The following ATPAF2 variants were observed in gnomAD, a reference collection of about 807,000 sequenced individuals.
The protein encoded by ATPAF2 is ATP12 homolog.
Under a neutral mutation model 36.6 loss-of-function variants are expected in ATPAF2, and 30 were observed. The observed-to-expected ratio is 0.82, with a 90% CI of 0.61 to 1.11. The LOEUF is 1.11. ATPAF2 is among the 50% of genes most tolerant of loss of function. The pLI is 0.00. For synonymous variants in ATPAF2, 140 were observed against 152.6 expected, an observed-to-expected ratio of 0.92 and a Z score of 0.61; for missense variants, 321 against 372.3, an observed-to-expected ratio of 0.86 and a Z score of 1.13.
intron 1 of ATPAF2, among the ~76,000 whole-genome samples, chr17:18,033,483 G>A (rs916188672): frequency 3.3e-5 from 5 of 151,552 alleles, no homozygotes; most frequent in Admixed American, 6.6e-5. Flanking sequence ...CCATGTTCTC[G>A]GTGAATACAT....
chr17:18,019,342 T>C (rs1223166646), intron 7 of ATPAF2, among the ~76,000 whole-genome samples: 1 of 152,208 alleles, frequency 6.6e-6, no homozygotes, highest in African/African-American at 2.4e-5. Context: ...TGTGACTTCT[T>C]TGAGGAGGCC....
In ATPAF2 at chr17:18,018,571, T is replaced by C. The variant is rs1257660598; in HGVS notation, c.848A>G (p.Lys283Arg). 1.2e-6 allele frequency: 2 copies of C among 1,613,756 alleles called. No homozygotes were observed. The highest frequency in any genetic ancestry group is 8.5e-7 in the Non-Finnish European group (1 of 1,180,046). ...IHLCSESTTV[K>R]HKLLKE The stretch of plus-strand genomic sequence containing the variant: ...GCCTCACTCCTTCAGGAGCTTGTGC[T>C]TGACTGTGGTGCTCTCGGAGCAGAG... Residue 283 changes from lysine (K) to arginine (R), a missense_variant, in exon 8 of 8, where the codon AAG becomes AGG. By Grantham distance (26) the Lys-to-Arg change is conservative. Transcript: ENST00000474627.
intron 1 of ATPAF2, among the ~76,000 whole-genome samples, chr17:18,033,319 G>A (rs548981153): frequency 2.7e-5 from 4 of 146,566 alleles, no homozygotes; most frequent in Non-Finnish European, 3.0e-5. Context: ...CCAAGATTGC[G>A]CCACTGCACC....
At chr17:18,031,345 TACAG>T (rs1253356636) in intron 1 of ATPAF2, among the ~76,000 whole-genome samples, 4 of 152,104 alleles carry the variant, frequency 2.6e-5, no homozygotes, top group Admixed American at 2.0e-4. Flanking sequence ...CACTAATACT[TACAG>T]ACAGAGGGCC....
At position 18,024,502 on chromosome 17, in the gene ATPAF2, T is replaced by G. The variant is rs2044515771; in HGVS notation, c.503+122A>C. Reference sequence around the variant, plus strand: ...TATGAGGGGAGCCAAATCCCACGAGTGCTCTGAAATCAGAAAGCTGACTAG... The same window carrying G: ...TATGAGGGGAGCCAAATCCCACGAGGGCTCTGAAATCAGAAAGCTGACTAG... On this transcript the variant is annotated intron_variant, in intron 5 of 7. Transcript: ENST00000474627. 6 of 818,260 alleles carry G rather than the reference T, an allele frequency of 7.3e-6. No homozygotes were observed. The South Asian group carries it at 8.4e-5, about 11-fold the overall frequency. The allele number at this position is 818,260 out of a possible 1,614,324, so 50.7% of individuals were successfully genotyped here. A position where few individuals can be genotyped will look rare whatever the true frequency, so the allele number is the denominator to read the frequency against.
intron 7 of ATPAF2, 176 bp downstream of exon 7, chr17:18,020,947 C>A: frequency 1.1e-5 from 15 of 1,415,514 alleles, no homozygotes; most frequent in Non-Finnish European, 1.4e-5. Context: ...AGGTGTGAAC[C>A]ACCATGCCAG....
rs78157843 is a variant in ATPAF2 at position 18,022,122 on chromosome 17, G to A, written c.504-265C>T. ...CATGTGAGCTAGGGCTCGGTTATAC[G>A]CAGCTGCCTGAAATGCTCATTCATT... On this transcript the variant is annotated intron_variant, in intron 5 of 7. Coordinates refer to ENST00000474627, the MANE Select transcript of ATPAF2 (RefSeq NM_145691.4). Among the ~76,000 whole-genome samples, 950 of 152,298 alleles carry A rather than the reference G, an allele frequency of 6.2e-3. 4 individuals carry two copies. Among genetic ancestry groups the A allele is most frequent in the Non-Finnish European group, 9.0e-3 (610 of 68,024 alleles).
chr17:18,021,961 A>G lies in ATPAF2; in HGVS notation c.504-104T>C, dbSNP rs1426476199. 3.0e-6 allele frequency: 3 copies of G among 1,001,512 alleles called. No individual in the cohort carries two copies. The Admixed American group carries it at 5.4e-5, about 18-fold the overall frequency. 62.0% of individuals were successfully genotyped at this position (1,001,512 alleles called of 1,614,324 possible). On this transcript the variant is annotated intron_variant, in intron 5 of 7. Transcript: ENST00000474627. ...CCTAAGCTTCAGAGCATGTGTGTGC[A>G]TTGGCCAAGGAGCTAGTCTTGACTA... is the stretch of plus-strand genomic sequence containing the variant.
downstream of ATPAF2, among the ~76,000 whole-genome samples, chr17:18,017,247 A>G (rs910979490): frequency 2.7e-5 from 4 of 148,548 alleles, no homozygotes; most frequent in African/African-American, 1.0e-4. Flanking sequence ...TGAGATGAAC[A>G]GCCGGTCCCA....
At chr17:18,016,600 G>T (rs757001083), downstream of ATPAF2, 1 of 1,613,962 alleles carries the variant, frequency 6.2e-7, no homozygotes, top group South Asian at 1.1e-5. Flanking sequence ...GCGCGTGAAG[G>T]AGATCAATCA....
At chr17:18,026,682 A>G in intron 3 of ATPAF2, 1 of 559,444 alleles carries the variant, frequency 1.8e-6, no homozygotes. Flanking sequence ...CCATGGTCAC[A>G]TGCCTTTTAT....
chr17:18,019,611 C>T (rs2044439535), intron 7 of ATPAF2, among the ~76,000 whole-genome samples: 1 of 152,248 alleles, frequency 6.6e-6, no homozygotes, highest in African/African-American at 2.4e-5. Flanking sequence ...GAGGAACGCT[C>T]AGACACACGA....
intron 1 of ATPAF2, among the ~76,000 whole-genome samples, chr17:18,028,874 A>C (rs2044586165): frequency 6.6e-6 from 1 of 152,188 alleles, no homozygotes; most frequent in Admixed American, 6.5e-5. Context: ...GAAGGGAGGA[A>C]CAGAACATGC....
Position 18,028,570 on chromosome 17 carries a change from C to CAAAAAAAAAAAAAA in ATPAF2, c.178+31_178+44dup. 1.4e-5 allele frequency: 19 copies of CAAAAAAAAAAAAAA among 1,350,114 alleles called. 2 individuals carry two copies. Among genetic ancestry groups the CAAAAAAAAAAAAAA allele is most frequent in the African/African-American group, 5.0e-5 (3 of 59,540 alleles). The allele number at this position is 1,350,114 out of a possible 1,614,324, so 83.6% of individuals were successfully genotyped here. A position where few individuals can be genotyped will look rare whatever the true frequency, so the allele number is the denominator to read the frequency against. On this transcript the variant is annotated intron_variant, in intron 2 of 7. Coordinates refer to ENST00000474627, the MANE Select transcript of ATPAF2 (RefSeq NM_145691.4). ...GATGAAAAATGTTCCCAACCATTCACAAAAAAAAAAAAAAAAAGAGGCAGT... is the reference window on the plus strand; with the variant it reads ...GATGAAAAATGTTCCCAACCATTCACAAAAAAAAAAAAAAAAAAAAAAAAAAAAAAAGAGGCAGT...
chr17:18,036,815 G>A (rs1163078970), intron 1 of ATPAF2, among the ~76,000 whole-genome samples: 7 of 152,218 alleles, frequency 4.6e-5, no homozygotes, highest in East Asian at 1.9e-4. Context: ...GCTCACGCCT[G>A]TAATCCCAGC....
At chr17:18,027,674 G>T (rs905817592) in intron 3 of ATPAF2, among the ~76,000 whole-genome samples, 1 of 152,126 alleles carries the variant, frequency 6.6e-6, no homozygotes, top group Non-Finnish European at 1.5e-5. Flanking sequence ...TGGTGCCTAG[G>T]CGAGCCACTT....
intron 1 of ATPAF2, among the ~76,000 whole-genome samples, chr17:18,035,701 T>C (rs181240638): frequency 6.6e-6 from 1 of 152,246 alleles, no homozygotes; most frequent in South Asian, 2.1e-4. Flanking sequence ...TAGCCATAGA[T>C]GATATGTAAA....
In ATPAF2 at chr17:18,039,168, T is replaced by C; in HGVS notation, c.-155A>G. The C allele has an allele frequency of 1.8e-6, 2 of 1,125,270 alleles. No homozygotes were observed. The highest frequency in any genetic ancestry group is 2.1e-5 in the Admixed American group (1 of 46,994). 69.7% of individuals were successfully genotyped at this position (1,125,270 alleles called of 1,614,324 possible). A position where few individuals can be genotyped will look rare whatever the true frequency, so the allele number is the denominator to read the frequency against. On this transcript the variant is annotated 5_prime_UTR_variant, in exon 1 of 8. An upstream start codon of the reference 5' UTR is lost. Coordinates refer to ENST00000474627, the MANE Select transcript of ATPAF2 (RefSeq NM_145691.4). The surrounding 1 kb of genome is among the most constrained non-coding windows in gnomAD (Gnocchi z 5.3). ...CCCTTGGACGCCGCCATCTTCCGCA[T>C]GACACCTACGGCGCGCCGTCGCCGC...
rs747872103 is a variant in ATPAF2 at position 18,024,640 on chromosome 17, C to T, written c.487G>A (p.Glu163Lys). The change falls in exon 5 of 8, where the codon GAA (glutamate) becomes AAA (lysine). Residue 163 changes from glutamate (E) to lysine (K), a missense_variant. Transcript: ENST00000474627. ...LQRNEWDPII[E>K]WAEKRYGVEI... ...ACATCTTACCTTTTCTCAGCCCATT[C>T]GATGATTGGATCCCACTCATTCCTT... 12 of 1,613,826 alleles carry T rather than the reference C, an allele frequency of 7.4e-6. No homozygotes were observed. The African/African-American group carries it at 8.0e-5, about 11-fold the overall frequency.
Sources: gnomAD v4.1 joint callset for allele counts (sites outside exome capture counted in the v4.1 genomes callset) on GRCh38, gnomAD v4.1.1 for gene constraint, Gnocchi (gnomAD v3.1) non-coding constraint, MANE v1.5 for transcripts, NCBI Gene and HGNC (gene_info 2026-07-23, HGNC 2026-07-21) for gene names.